The following ST6GALNAC3 variants were observed in gnomAD, a reference collection of about 807,000 sequenced individuals.
ST6GALNAC3 encodes alpha-N-acetylgalactosaminide alpha-2,6-sialyltransferase 3.
In ST6GALNAC3, 25 loss-of-function variants were observed where a neutral mutation model predicts 32.7. That is an observed-to-expected ratio of 0.76 (90% CI 0.56 to 1.07). The LOEUF (loss-of-function observed/expected upper bound fraction) is 1.07. ST6GALNAC3 is among the 50% of genes least tolerant of loss of function. The probability of loss-of-function intolerance (pLI) is 0.00; values close to 1 mark genes in which losing one functional copy is unlikely to be tolerated. For missense variants in ST6GALNAC3, 355 were observed against 382.4 expected (o/e 0.93, Z 0.60); for synonymous variants, 129 against 133.1 (o/e 0.97, Z 0.21).
At chr1:76,538,897 C>T in intron 3 of ST6GALNAC3, among the ~76,000 whole-genome samples, 1 of 152,082 alleles carries the variant, frequency 6.6e-6, no homozygotes, top group East Asian at 1.9e-4. Context: ...AACATTCCCT[C>T]CTCATGGGTA....
intron 2 of ST6GALNAC3, among the ~76,000 whole-genome samples, chr1:76,360,784 A>C (rs988039460): frequency 2.0e-5 from 3 of 152,170 alleles, no homozygotes; most frequent in Non-Finnish European, 4.4e-5. Context: ...GGTATATCTT[A>C]GTTATTAATA....
chr1:76,546,667 G>A (rs1412887540), intron 3 of ST6GALNAC3, among the ~76,000 whole-genome samples: 1 of 152,226 alleles, frequency 6.6e-6, no homozygotes, highest in African/African-American at 2.4e-5. Context: ...GGAAGCAGAT[G>A]CCAGATCTCA....
intron 1 of ST6GALNAC3, among the ~76,000 whole-genome samples, chr1:76,097,259 G>A (rs891372463): frequency 6.6e-6 from 1 of 152,156 alleles, no homozygotes; most frequent in Non-Finnish European, 1.5e-5. Flanking sequence ...TGGTTTGGCT[G>A]TGTCCTCACT....
At chr1:76,619,343 A>G (rs1029366569) in intron 3 of ST6GALNAC3, among the ~76,000 whole-genome samples, 1 of 152,032 alleles carries the variant, frequency 6.6e-6, no homozygotes, top group African/African-American at 2.4e-5. Flanking sequence ...CACATCGAGA[A>G]CCCCCAGGTG....
intron 1 of ST6GALNAC3, among the ~76,000 whole-genome samples, chr1:76,282,804 G>A (rs1242294724): frequency 6.6e-6 from 1 of 151,340 alleles, no homozygotes; most frequent in Non-Finnish European, 1.5e-5. Flanking sequence ...CAAGGCAGGT[G>A]GATCACTTGA....
At chr1:76,178,779 G>GAA (rs1160548896) in intron 1 of ST6GALNAC3, among the ~76,000 whole-genome samples, 24 of 152,224 alleles carry the variant, frequency 1.6e-4, no homozygotes, top group Admixed American at 3.9e-4. Context: ...GCAGAGCTCT[G>GAA]CTGGCTGAAT....
rs117332118 is a variant in ST6GALNAC3, at chr1:76,381,668, C to T, written c.214-30340C>T. ...GGAAATGCATTGAGGTGAATGGGACCTCTGTGGGTTGTTTCCTGTGATGCA... is the reference window on the plus strand; with the variant it reads ...GGAAATGCATTGAGGTGAATGGGACTTCTGTGGGTTGTTTCCTGTGATGCA... On this transcript the variant is annotated intron_variant, in intron 2 of 4. Transcript: ENST00000328299. Among the ~76,000 whole-genome samples, 30 of 152,154 alleles carry T rather than the reference C, an allele frequency of 2.0e-4. 1 individual carries two copies. The East Asian group carries it at 5.6e-3, about 29-fold the overall frequency.
chr1:76,450,381 G>T (rs1036146795), intron 3 of ST6GALNAC3, among the ~76,000 whole-genome samples: 1 of 152,038 alleles, frequency 6.6e-6, no homozygotes, highest in Non-Finnish European at 1.5e-5. Flanking sequence ...CTTCTTTTGA[G>T]AATTGTCTAT....
chr1:76,364,579 A>T (rs1345916001), intron 2 of ST6GALNAC3, among the ~76,000 whole-genome samples: 1 of 151,998 alleles, frequency 6.6e-6, no homozygotes, highest in Non-Finnish European at 1.5e-5. Context: ...TAAAATAAAA[A>T]ATAATTCTTC....
intron 1 of ST6GALNAC3, among the ~76,000 whole-genome samples, chr1:76,126,455 T>C (rs28618286): frequency 8.7e-6 from 1 of 114,368 alleles, no homozygotes; most frequent in African/African-American, 3.4e-5. Context: ...TTCCTTCCTC[T>C]CTCTCTGTCT....
At chr1:76,303,105 G>T (rs1455841845) in intron 1 of ST6GALNAC3, among the ~76,000 whole-genome samples, 1 of 102,100 alleles carries the variant, frequency 9.8e-6, no homozygotes, top group African/African-American at 2.7e-5. Flanking sequence ...ACAGTCCTAT[G>T]CAAGTTTTCT....
chr1:76,143,595 T>A (rs289684), intron 1 of ST6GALNAC3, among the ~76,000 whole-genome samples: 141,967 of 152,176 alleles, frequency 0.93, 67,029 homozygotes, highest in East Asian at 1. Flanking sequence ...TACCAAAGTG[T>A]TGTTGTTGTT....
intron 3 of ST6GALNAC3, among the ~76,000 whole-genome samples, chr1:76,534,545 G>T (rs1412646698): frequency 6.6e-6 from 1 of 152,094 alleles, no homozygotes; most frequent in African/African-American, 2.4e-5. Flanking sequence ...CCTAGGAAGG[G>T]TTTATGTTTC....
At position 76,275,660 on chromosome 1, in the gene ST6GALNAC3, C is replaced by T. The variant is rs191385757; in HGVS notation, c.19-38145C>T. 3.1e-4 allele frequency among the ~76,000 whole-genome samples: 47 copies of T among 152,252 alleles called. 1 individual carries two copies. The East Asian group carries it at 8.1e-3, about 26-fold the overall frequency. On this transcript the variant is annotated intron_variant, in intron 1 of 4. Coordinates refer to ENST00000328299, the MANE Select transcript of ST6GALNAC3 (RefSeq NM_152996.4). Reference sequence around the variant, plus strand: ...GCCTTCCTGATTCTCTCTCCCTGTACTCCAAAAGTCTTCCTGAGTATACCT... The same window carrying T: ...GCCTTCCTGATTCTCTCTCCCTGTATTCCAAAAGTCTTCCTGAGTATACCT...
At chr1:76,139,055 G>T (rs992931260) in intron 1 of ST6GALNAC3, among the ~76,000 whole-genome samples, 27 of 152,082 alleles carry the variant, frequency 1.8e-4, no homozygotes, top group African/African-American at 6.3e-4. Context: ...TTAGCTGGGC[G>T]TGGTGGCAGA....
intron 1 of ST6GALNAC3, among the ~76,000 whole-genome samples, chr1:76,233,881 T>C (rs543658956): frequency 2.8e-4 from 42 of 152,264 alleles, no homozygotes; most frequent in African/African-American, 9.6e-4. Flanking sequence ...ACATGTGCAG[T>C]ATACAAACAG....
chr1:76,200,370 C>T (rs758374885), intron 1 of ST6GALNAC3, among the ~76,000 whole-genome samples: 11 of 152,130 alleles, frequency 7.2e-5, no homozygotes, highest in South Asian at 4.1e-4. Context: ...ATTCCTGGTG[C>T]GCTGCAGTCT....
intron 1 of ST6GALNAC3, among the ~76,000 whole-genome samples, chr1:76,209,496 TAATACACACA>T (rs1655019098): frequency 6.6e-6 from 1 of 152,204 alleles, no homozygotes; most frequent in Non-Finnish European, 1.5e-5. Context: ...CACCTTTTCC[TAATACACACA>T]AAGGTATCAT....
chr1:76,122,917 C>G (rs1349050159), intron 1 of ST6GALNAC3, among the ~76,000 whole-genome samples: 2 of 152,182 alleles, frequency 1.3e-5, no homozygotes, highest in African/African-American at 4.8e-5. Context: ...AGCTTGTAGT[C>G]TGCGTCAGTG....
Sources: gnomAD v4.1 joint callset for allele counts (sites outside exome capture counted in the v4.1 genomes callset) on GRCh38, gnomAD v4.1.1 for gene constraint, MANE v1.5 for transcripts, NCBI Gene and HGNC (gene_info 2026-07-23, HGNC 2026-07-21) for gene names.